The following CENPF variants were observed in gnomAD, a reference collection of about 807,000 sequenced individuals.
CENPF encodes AH antigen.
CENPF carries 214 observed loss-of-function variants against 307.3 expected under a neutral mutation model. The observed-to-expected ratio is 0.70, with a 90% CI of 0.62 to 0.78. The LOEUF (loss-of-function observed/expected upper bound fraction) is 0.78, where lower values mean the gene tolerates loss of function less well. CENPF is among the 30% of genes least tolerant of loss of function. CENPF has a pLI of 0.00. For missense variants in CENPF, 3,401 were observed against 3,483.9 expected, an observed-to-expected ratio of 0.98 and a Z score of 0.60; for synonymous variants, 1,259 against 1,270.6, an observed-to-expected ratio of 0.99 and a Z score of 0.19.
At position 214,646,500 on chromosome 1, in the gene CENPF, A is replaced by G. The variant is rs1658305935; in HGVS notation, c.6930A>G (p.Leu2310=). ...GCATTGAAAAGCTGAGAGCCCGCCTAGAAGCTGATGAAAAGAAGCAGCTCT... is the reference window on the plus strand; with the variant it reads ...GCATTGAAAAGCTGAGAGCCCGCCTGGAAGCTGATGAAAAGAAGCAGCTCT... The part of the protein sequence containing the change: ...RNSIEKLRAR[L]EADEKKQLCV... Residue 2310 remains leucine (L), a synonymous_variant, in exon 13 of 20, where the codon CTA becomes CTG. Transcript: ENST00000366955. The G allele has an allele frequency of 1.9e-6, 3 of 1,614,066 alleles. No individual in the cohort carries two copies. The highest frequency in any genetic ancestry group is 1.7e-5 in the Admixed American group (1 of 60,010).
In CENPF at chr1:214,641,670, G is replaced by A; in HGVS notation, c.3332G>A (p.Arg1111Lys). The A allele has an allele frequency of 6.3e-7, 1 of 1,581,136 alleles. No individual in the cohort carries two copies. Among genetic ancestry groups the A allele is most frequent in the Non-Finnish European group, 8.6e-7 (1 of 1,166,548 alleles). Residue 1111 changes from arginine (R) to lysine (K), a missense_variant, in exon 12 of 20, where the codon AGA becomes AAA. Coordinates refer to ENST00000366955, the MANE Select transcript of CENPF (RefSeq NM_016343.4). Reference sequence around the variant, plus strand: ...TTGGAGACAGTGCAGCAAGCTCTGAGATCTGAGATGACAGATAACCAAAAC... The same window carrying A: ...TTGGAGACAGTGCAGCAAGCTCTGAAATCTGAGATGACAGATAACCAAAAC... ...LELETVQQAL[R>K]SEMTDNQNNS...
intron 10 of CENPF, among the ~76,000 whole-genome samples, chr1:214,635,210 T>A (rs114801964): frequency 5.1e-4 from 77 of 152,316 alleles, no homozygotes; most frequent in African/African-American, 1.8e-3. Flanking sequence ...AAAAACACAT[T>A]CTTTGCATCC....
chr1:214,652,412 G>A (rs1423290556), intron 15 of CENPF, among the ~76,000 whole-genome samples: 1 of 151,010 alleles, frequency 6.6e-6, no homozygotes, highest in South Asian at 2.1e-4. Flanking sequence ...ATAGTCCTTG[G>A]AAAGGCAGGG....
At chr1:214,608,367 G>A (rs1229870404) in intron 1 of CENPF, 1 of 1,612,678 alleles carries the variant, frequency 6.2e-7, no homozygotes, top group Non-Finnish European at 8.5e-7. Flanking sequence ...GGTTCCTCTC[G>A]GAAGGCCTAC....
rs1379865453 is a variant in CENPF, at chr1:214,645,308, G to A, written c.5738G>A (p.Ser1913Asn). 4 of 1,614,148 alleles carry A rather than the reference G, an allele frequency of 2.5e-6. No homozygotes were observed. The highest frequency in any genetic ancestry group is 3.4e-6 in the Non-Finnish European group (4 of 1,180,016). The part of the protein sequence containing the change: ...ELSRIRSEKA[S>N]IEHEALYLEA... ...AGTAGGATCAGATCGGAGAAAGCTAGCATTGAGCATGAAGCCCTCTACCTG... is the reference window on the plus strand; with the variant it reads ...AGTAGGATCAGATCGGAGAAAGCTAACATTGAGCATGAAGCCCTCTACCTG... Residue 1913 changes from serine to asparagine, a missense_variant, in exon 13 of 20, where the codon AGC becomes AAC. Coordinates refer to ENST00000366955, the MANE Select transcript of CENPF (RefSeq NM_016343.4).
Position 214,641,339 on chromosome 1 carries a change from G to T in CENPF, c.3001G>T (p.Ala1001Ser). The change falls in exon 12 of 20, where the codon GCA becomes TCA. Residue 1001 changes from alanine to serine, a missense_variant. Ala to Ser is a moderately conservative substitution (Grantham distance 99). Coordinates refer to ENST00000366955, the MANE Select transcript of CENPF (RefSeq NM_016343.4). ...CTTAATCCAGAAAAGTGAGAGTTTTGCAAACTATATAGATGAAAGGGAGAA... is the reference window on the plus strand; with the variant it reads ...CTTAATCCAGAAAAGTGAGAGTTTTTCAAACTATATAGATGAAAGGGAGAA... ...MNLIQKSESF[A>S]NYIDEREKSI... is the part of the protein sequence containing the mutation. The T allele has an allele frequency of 6.2e-7, 1 of 1,612,092 alleles. No homozygotes were observed. Among genetic ancestry groups the T allele is most frequent in the African/African-American group, 1.3e-5 (1 of 74,896 alleles).
chr1:214,623,809 G>A (rs560583884), intron 7 of CENPF, among the ~76,000 whole-genome samples: 1 of 152,118 alleles, frequency 6.6e-6, no homozygotes, highest in East Asian at 1.9e-4. Context: ...CTTAATAGAG[G>A]GAGGCAGAAA....
rs762160932 is a variant in CENPF at position 214,652,868 on chromosome 1, C to A, written c.8201C>A (p.Ser2734Tyr). 7.5e-6 allele frequency: 12 copies of A among 1,603,020 alleles called. No homozygotes were observed. The highest frequency in any genetic ancestry group is 7.6e-6 in the Non-Finnish European group (9 of 1,176,882). ...EIQTYREKLTSKEECLSSQKL... is the reference protein window; with the variant it reads ...EIQTYREKLTYKEECLSSQKL... ...CAGACATACCGAGAGAAATTGACTT[C>A]TAAAGAAGAATGTCTCAGTTCACAG... Residue 2734 changes from serine to tyrosine, a missense_variant, in exon 16 of 20, where the codon TCT becomes TAT. Coordinates refer to ENST00000366955, the MANE Select transcript of CENPF (RefSeq NM_016343.4).
At chr1:214,634,455 A>G (rs979029190) in intron 10 of CENPF, among the ~76,000 whole-genome samples, 5 of 152,104 alleles carry the variant, frequency 3.3e-5, no homozygotes, top group African/African-American at 1.2e-4. Flanking sequence ...TCTGCCACCT[A>G]CCACAATGTG....
rs1658614933 is a variant in CENPF at position 214,655,757 on chromosome 1, A to C, written c.8485+354A>C. Among the ~76,000 whole-genome samples the C allele has an allele frequency of 1.3e-5, 2 of 151,928 alleles. 1 individual carries two copies. The highest frequency in any genetic ancestry group is 4.1e-4 in the South Asian group (2 of 4,820). The stretch of plus-strand genomic sequence containing the variant: ...AGACAGGTGCCACCACACCCGACTA[A>C]TTTTTGTATTTTTTGTAGAGACAAG... On this transcript the variant is annotated intron_variant, in intron 17 of 19. Coordinates refer to ENST00000366955, the MANE Select transcript of CENPF (RefSeq NM_016343.4).
At chr1:214,648,618 C>T (rs915249036) in intron 13 of CENPF, 57 bp from the exon 14 acceptor site, 5 of 1,575,450 alleles carry the variant, frequency 3.2e-6, no homozygotes, top group South Asian at 1.1e-5. Context: ...TCAGAGTGGT[C>T]GATCTGATCA....
Position 214,640,748 on chromosome 1 carries a change from C to T in CENPF, c.2410C>T (p.Gln804Ter). The T allele has an allele frequency of 3.7e-6, 6 of 1,614,046 alleles. No homozygotes were observed. Among genetic ancestry groups the T allele is most frequent in the Non-Finnish European group, 5.1e-6 (6 of 1,179,982 alleles). ...TTCCTTTGCAAATATAATTGGAGAA[C>T]AAGGAAGCATGCCTTCAGAGAGGAG... is the stretch of plus-strand genomic sequence containing the variant. ...HHSFANIIGEQGSMPSERSEC... is the reference protein window; with the variant it reads ...HHSFANIIGE Residue 804 changes from glutamine (Q) to a stop codon, truncating the protein, a stop_gained, in exon 12 of 20, where the codon CAA becomes TAA. Transcript: ENST00000366955. LOFTEE classifies it high-confidence loss of function.
chr1:214,638,222 G>A (rs974673282), intron 11 of CENPF, among the ~76,000 whole-genome samples: 35 of 151,994 alleles, frequency 2.3e-4, no homozygotes, highest in Admixed American at 2.6e-4. Flanking sequence ...AGTCCCAAAC[G>A]CCTGATGCTC....
chr1:214,653,005 T>C lies in CENPF; in HGVS notation c.8322+16T>C. 1 of 1,594,828 alleles carries C rather than the reference T, an allele frequency of 6.3e-7. No individual in the cohort carries two copies. The highest frequency in any genetic ancestry group is 8.6e-7 in the Non-Finnish European group (1 of 1,167,552). On this transcript the variant is annotated intron_variant, in intron 16 of 19. Coordinates refer to ENST00000366955, the MANE Select transcript of CENPF (RefSeq NM_016343.4). ...GAAAACCAAGGTATGTTCACTTTAA[T>C]TTGCTTCATGATTTCGAATGGTTTA...
At position 214,657,662 on chromosome 1, in the gene CENPF, T is replaced by C. The variant is rs114592674; in HGVS notation, c.8962+253T>C. Among the ~76,000 whole-genome samples, 1,257 of 152,302 alleles carry C rather than the reference T, an allele frequency of 8.3e-3. 21 individuals are homozygous for C. Among genetic ancestry groups the C allele is most frequent in the African/African-American group, 0.029 (1,198 of 41,542 alleles). On this transcript the variant is annotated intron_variant, in intron 18 of 19. Coordinates refer to ENST00000366955, the MANE Select transcript of CENPF (RefSeq NM_016343.4). ...TCTAAAATCTGTTTGGAATTTGTTATTTGAATGCTGAAAAAAATTATTAAA... is the reference window on the plus strand; with the variant it reads ...TCTAAAATCTGTTTGGAATTTGTTACTTGAATGCTGAAAAAAATTATTAAA...
Position 214,620,653 on chromosome 1 carries a change from A to C in CENPF, c.574-2A>C, listed in dbSNP as rs376767238. 30 of 1,605,250 alleles carry C rather than the reference A, an allele frequency of 1.9e-5. No individual in the cohort carries two copies. Among genetic ancestry groups the C allele is most frequent in the Non-Finnish European group, 2.5e-5 (29 of 1,177,264 alleles). On this transcript the variant is annotated splice_acceptor_variant, in intron 5 of 19. Transcript: ENST00000366955. LOFTEE classifies it high-confidence loss of function. ...GCCTCTAAAGAGATTCTGTTTCTAC[A>C]GAAAGCAAGCCAGACTCTTCCACAA...
intron 1 of CENPF, among the ~76,000 whole-genome samples, chr1:214,604,327 C>T (rs1656966227): frequency 6.6e-6 from 1 of 152,188 alleles, no homozygotes; most frequent in African/African-American, 2.4e-5. Context: ...CAGGAACCTT[C>T]ATCCAGGGCT....
Position 214,615,084 on chromosome 1 carries a change from C to T in CENPF, c.359+56C>T, listed in dbSNP as rs41303281. On this transcript the variant is annotated intron_variant, in intron 3 of 19. Transcript: ENST00000366955. ...GATATTTGTATGTATTAATCAGATGCGTTTGTCTTTTCCTTTAACAATATA... is the reference window on the plus strand; with the variant it reads ...GATATTTGTATGTATTAATCAGATGTGTTTGTCTTTTCCTTTAACAATATA... 55,372 of 1,207,272 alleles carry T rather than the reference C, an allele frequency of 0.046. 1,775 individuals carry two copies. Among genetic ancestry groups the T allele is most frequent in the East Asian group, 0.12 (4,584 of 38,480 alleles). The allele number at this position is 1,207,272 out of a possible 1,614,324, so 74.8% of individuals were successfully genotyped here.
chr1:214,646,634 C>T lies in CENPF; in HGVS notation c.7064C>T (p.Ala2355Val), dbSNP rs1312146144. The T allele has an allele frequency of 1.9e-6, 3 of 1,613,474 alleles. No homozygotes were observed. Among genetic ancestry groups the T allele is most frequent in the Non-Finnish European group, 2.5e-6 (3 of 1,179,506 alleles). Residue 2355 changes from alanine to valine, a missense_variant, in exon 13 of 20, where the codon GCA becomes GTA. Ala to Val is a moderately conservative substitution (Grantham distance 64, BLOSUM62 0). Transcript: ENST00000366955. ...LEIARTNQEH[A>V]ALEAENSKGE... ...ATAGCCAGGACAAACCAAGAGCATG[C>T]AGCTCTTGAGGCAGAGAATTCCAAA...
Sources: gnomAD v4.1 joint callset for allele counts (sites outside exome capture counted in the v4.1 genomes callset) on GRCh38, gnomAD v4.1.1 for gene constraint, MANE v1.5 for transcripts, NCBI Gene and HGNC (gene_info 2026-07-23, HGNC 2026-07-21) for gene names.